The following WDPCP variants were observed in gnomAD, a reference collection of about 807,000 sequenced individuals.
WDPCP encodes the protein WD repeat-containing and planar cell polarity effector protein fritz homolog.
In WDPCP, 71 loss-of-function variants were observed where a neutral mutation model predicts 93.1. The observed-to-expected ratio is 0.76, with a 90% CI of 0.63 to 0.93. The LOEUF (loss-of-function observed/expected upper bound fraction) is 0.93, where lower values mean the gene tolerates loss of function less well. Among genes scored for constraint, WDPCP ranks in the 40% least tolerant of loss-of-function variants. The pLI is 0.00. For synonymous variants in WDPCP, 315 were observed against 315.0 expected (o/e 1.00, Z 0.00); for missense variants, 844 against 887.4 (o/e 0.95, Z 0.62).
chr2:63,221,705 A>T (rs983555949), intron 14 of WDPCP, among the ~76,000 whole-genome samples: 8 of 152,176 alleles, frequency 5.3e-5, no homozygotes, highest in Non-Finnish European at 1.0e-4. Flanking sequence ...CCTGGCCTGC[A>T]TTCCTTATCT....
At chr2:63,248,139 T>C (rs543412786) in intron 14 of WDPCP, among the ~76,000 whole-genome samples, 37 of 152,314 alleles carry the variant, frequency 2.4e-4, no homozygotes, top group Middle Eastern at 6.8e-3. Context: ...TATGCCTTTG[T>C]GTTTTAATTC....
chr2:63,541,751 A>G (rs1353781403), intron 1 of WDPCP, among the ~76,000 whole-genome samples: 3 of 152,080 alleles, frequency 2.0e-5, no homozygotes, highest in Non-Finnish European at 2.9e-5. Flanking sequence ...CCACAGACCA[A>G]CCTGCTTTTT....
intron 3 of WDPCP, among the ~76,000 whole-genome samples, chr2:63,633,302 G>A (rs1369786056): frequency 6.6e-6 from 1 of 152,044 alleles, no homozygotes; most frequent in Admixed American, 6.5e-5. Context: ...GACTGGTAAA[G>A]GTAAATATAT....
At chr2:63,560,332 G>A (rs180759190) in intron 1 of WDPCP, among the ~76,000 whole-genome samples, 21 of 152,180 alleles carry the variant, frequency 1.4e-4, no homozygotes, top group Non-Finnish European at 2.5e-4. Flanking sequence ...CATGCTACCC[G>A]ACCTCAAACT....
chr2:63,133,270 C>A (rs954029986), intron 17 of WDPCP, among the ~76,000 whole-genome samples: 5 of 152,220 alleles, frequency 3.3e-5, no homozygotes, highest in Non-Finnish European at 7.3e-5. Context: ...TAGGGTCTCT[C>A]TGCAGCTTTC....
chr2:63,282,127 T>C (rs1033108238), intron 13 of WDPCP, among the ~76,000 whole-genome samples: 2 of 151,936 alleles, frequency 1.3e-5, no homozygotes, highest in Non-Finnish European at 2.9e-5. Context: ...ACCAAAGCAA[T>C]GTGAGCAAAA....
intron 2 of WDPCP, among the ~76,000 whole-genome samples, chr2:63,742,186 G>A (rs1669727375): frequency 1.3e-5 from 2 of 151,828 alleles, no homozygotes; most frequent in South Asian, 2.1e-4. Context: ...GTTTTTGTCA[G>A]TAGCCTGTTG....
At chr2:63,463,088 T>C (rs1699124974) in intron 6 of WDPCP, among the ~76,000 whole-genome samples, 1 of 150,732 alleles carries the variant, frequency 6.6e-6, no homozygotes, top group South Asian at 2.1e-4. Context: ...AATTCCAACA[T>C]TCAAAGACGG....
At chr2:63,575,806 C>T (rs1708077324) in intron 1 of WDPCP, among the ~76,000 whole-genome samples, 1 of 151,706 alleles carries the variant, frequency 6.6e-6, no homozygotes, top group Non-Finnish European at 1.5e-5. Flanking sequence ...TAGAAAATAA[C>T]TGTGCCAATA....
At chr2:63,653,575 T>C (rs1319963696) in intron 2 of WDPCP, among the ~76,000 whole-genome samples, 2 of 152,110 alleles carry the variant, frequency 1.3e-5, no homozygotes, top group Non-Finnish European at 2.9e-5. Context: ...TACAAAAATA[T>C]CCAGCACTCA....
intron 2 of WDPCP, among the ~76,000 whole-genome samples, chr2:63,670,900 A>T (rs1280151071): frequency 1.3e-5 from 2 of 152,142 alleles, no homozygotes; most frequent in African/African-American, 4.8e-5. Flanking sequence ...AGTAGGAAAA[A>T]ATTAGGGAAA....
At chr2:63,674,539 T>G (rs1710381260) in intron 2 of WDPCP, among the ~76,000 whole-genome samples, 1 of 152,120 alleles carries the variant, frequency 6.6e-6, no homozygotes, top group South Asian at 2.1e-4. Context: ...AATTTTGTTT[T>G]GGGGCAGAGA....
At chr2:63,465,752 C>T (rs768318749) in intron 6 of WDPCP, among the ~76,000 whole-genome samples, 2 of 152,178 alleles carry the variant, frequency 1.3e-5, no homozygotes, top group Admixed American at 6.6e-5. Flanking sequence ...TGGACATCCT[C>T]ACCCTAATTC....
At chr2:63,665,938 T>A (rs1710277404) in intron 2 of WDPCP, among the ~76,000 whole-genome samples, 1 of 152,260 alleles carries the variant, frequency 6.6e-6, no homozygotes, top group Admixed American at 6.5e-5. Flanking sequence ...GTGGTGTCAC[T>A]TCCTACGTGT....
chr2:63,433,043 A>G (rs991115784), intron 9 of WDPCP, among the ~76,000 whole-genome samples: 1 of 152,170 alleles, frequency 6.6e-6, no homozygotes, highest in African/African-American at 2.4e-5. Flanking sequence ...TTTTACAGCT[A>G]TAATACAACA....
intron 2 of WDPCP, among the ~76,000 whole-genome samples, chr2:63,795,337 C>T (rs1206141518): frequency 6.6e-6 from 1 of 151,984 alleles, no homozygotes; most frequent in African/African-American, 2.4e-5. Flanking sequence ...TGAGCACAGC[C>T]TTCTGAGATT....
intron 2 of WDPCP, among the ~76,000 whole-genome samples, chr2:63,792,540 G>A (rs1267574749): frequency 6.6e-6 from 1 of 152,080 alleles, no homozygotes; most frequent in Non-Finnish European, 1.5e-5. Flanking sequence ...TACATATGAG[G>A]GGCATCTAAA....
intron 2 of WDPCP, among the ~76,000 whole-genome samples, chr2:63,675,997 T>C (rs1456972208): frequency 1.3e-5 from 2 of 152,226 alleles, no homozygotes; most frequent in African/African-American, 4.8e-5. Context: ...CTTTGGTCTA[T>C]ATATTTTCTC....
chr2:63,749,393 C>T (rs1669845454), intron 2 of WDPCP, among the ~76,000 whole-genome samples: 1 of 152,060 alleles, frequency 6.6e-6, no homozygotes, highest in Admixed American at 6.6e-5. Flanking sequence ...TACAGACAGT[C>T]CCCAATTTAC....
Sources: gnomAD v4.1 joint callset for allele counts (sites outside exome capture counted in the v4.1 genomes callset) on GRCh38, gnomAD v4.1.1 for gene constraint, MANE v1.5 for transcripts, NCBI Gene and HGNC (gene_info 2026-07-23, HGNC 2026-07-21) for gene names.